Variants in LCOR observed in about 807,000 individuals in gnomAD.
LCOR encodes the protein ligand dependent nuclear receptor corepressor, also known as ligand-dependent corepressor.
In LCOR, 14 loss-of-function variants were observed where a neutral mutation model predicts 64.4. That is an observed-to-expected ratio of 0.22 (90% confidence interval 0.14 to 0.34). The LOEUF (loss-of-function observed/expected upper bound fraction) is 0.34, where lower values mean the gene tolerates loss of function less well. LCOR is among the 10% of genes least tolerant of loss of function. The pLI is 1.00. For synonymous variants in LCOR, 643 were observed against 642.5 expected (o/e 1.00, Z -0.01); for missense variants, 1,686 against 1,765.3 (o/e 0.96, Z 0.80).
chr10:96,880,676 G>A (rs144881713), intron 2 of LCOR, among the ~76,000 whole-genome samples: 3 of 152,296 alleles, frequency 2.0e-5, no homozygotes, highest in African/African-American at 7.2e-5. Context: ...GACATTACAG[G>A]CATGAGCCAC....
In LCOR at chr10:96,987,505, T is replaced by G. The variant is rs575442116; in HGVS notation, c.*2371T>G. The G allele has an allele frequency of 3.1e-4, 47 of 152,366 alleles. 1 individual carries two copies. Among genetic ancestry groups the G allele is most frequent in the African/African-American group, 9.9e-4 (41 of 41,594 alleles). 9.4% of individuals were successfully genotyped at this position (152,366 alleles called of 1,614,324 possible). On this transcript the variant is annotated 3_prime_UTR_variant, in exon 8 of 8. Coordinates refer to ENST00000421806, the MANE Select transcript of LCOR (RefSeq NM_001346516.2). ...AAAAGCTCAGTTAAAGATAATAGCCTTCTTTCCCATTCTAGGCTGTGTGTG... is the reference window on the plus strand; with the variant it reads ...AAAAGCTCAGTTAAAGATAATAGCCGTCTTTCCCATTCTAGGCTGTGTGTG...
intron 2 of LCOR, among the ~76,000 whole-genome samples, chr10:96,889,590 T>G (rs1333772550): frequency 6.6e-6 from 1 of 152,218 alleles, no homozygotes; most frequent in African/African-American, 2.4e-5. Flanking sequence ...ACACTAATTC[T>G]GTCAGATCAG....
chr10:96,958,061 T>C, intron 7 of LCOR: 2 of 1,047,350 alleles, frequency 1.9e-6, no homozygotes, highest in Non-Finnish European at 2.3e-6. Context: ...TATGAAGGAA[T>C]GCCTCCTTTG....
chr10:96,965,684 A>G (rs1847942543), intron 7 of LCOR, among the ~76,000 whole-genome samples: 1 of 146,184 alleles, frequency 6.8e-6, no homozygotes, highest in Admixed American at 6.8e-5. Flanking sequence ...AAAAAAAAAA[A>G]GACGGGCTAT....
intron 4 of LCOR, among the ~76,000 whole-genome samples, chr10:96,941,182 C>T (rs1307966028): frequency 4.5e-5 from 6 of 133,106 alleles, no homozygotes; most frequent in East Asian, 2.2e-4. Flanking sequence ...GCTGGCCAGG[C>T]GGGGGGCTGA....
intron 2 of LCOR, among the ~76,000 whole-genome samples, chr10:96,854,101 A>C (rs935582364): frequency 6.6e-6 from 1 of 152,184 alleles, no homozygotes; most frequent in Non-Finnish European, 1.5e-5. Context: ...AGAAATACGC[A>C]AAGAATTTGG....
rs1847977231 is a variant in LCOR, at chr10:96,969,290, A to G, written c.333-11503A>G. 3.3e-5 allele frequency among the ~76,000 whole-genome samples: 5 copies of G among 152,360 alleles called. No homozygotes were observed. The South Asian group carries it at 1.0e-3, about 32-fold the overall frequency. On this transcript the variant is annotated intron_variant, in intron 7 of 7. Coordinates refer to ENST00000421806, the MANE Select transcript of LCOR (RefSeq NM_001346516.2). Reference sequence around the variant, plus strand: ...AGCAAAGGGCAGCCAATCTTGTTCAAGAACCTAAAAATACTGGAATTGTGA... The same window carrying G: ...AGCAAAGGGCAGCCAATCTTGTTCAGGAACCTAAAAATACTGGAATTGTGA...
rs768336729 is a variant in LCOR at position 96,983,639 on chromosome 10, A to G, written c.3179A>G (p.Glu1060Gly). 5 of 1,614,176 alleles carry G rather than the reference A, an allele frequency of 3.1e-6. No homozygotes were observed. The South Asian group carries it at 5.5e-5, about 18-fold the overall frequency. The change falls in exon 8 of 8, where the codon GAA becomes GGA. Residue 1060 changes from glutamate (E) to glycine (G), a missense_variant. By Grantham distance (98) the Glu-to-Gly change is moderately conservative (BLOSUM62 -2). Coordinates refer to ENST00000421806, the MANE Select transcript of LCOR (RefSeq NM_001346516.2). This position sits in a 1 kb window ranked among gnomAD's most constrained non-coding sequence, Gnocchi z 4.5. ...GSLDASKVTS[E>G]KEAAQVNPIM... The stretch of plus-strand genomic sequence containing the variant: ...TTGGATGCTTCAAAAGTGACTTCAG[A>G]AAAGGAAGCTGCACAAGTAAACCCC...
At chr10:96,866,996 TA>T (rs1186722877) in intron 2 of LCOR, among the ~76,000 whole-genome samples, 1 of 152,142 alleles carries the variant, frequency 6.6e-6, no homozygotes, top group Non-Finnish European at 1.5e-5. Context: ...CTATTACTAT[TA>T]TTTTTTTTGA....
intron 2 of LCOR, among the ~76,000 whole-genome samples, chr10:96,901,537 A>G (rs1437414890): frequency 1.3e-5 from 2 of 152,308 alleles, no homozygotes; most frequent in South Asian, 2.1e-4. Context: ...CATGGAGCCC[A>G]TTAGATAAGA....
At chr10:96,961,448 C>A (rs1257263012) in intron 7 of LCOR, 3 of 151,930 alleles carry the variant, frequency 2.0e-5, no homozygotes, top group Admixed American at 6.6e-5. Context: ...TCAAGATGAT[C>A]AACACTGGAA....
chr10:96,843,279 C>T (rs189226643), intron 2 of LCOR, among the ~76,000 whole-genome samples: 8 of 152,222 alleles, frequency 5.3e-5, no homozygotes, highest in Non-Finnish European at 1.2e-4. Context: ...CATGTTTCAT[C>T]ATGCCTGGCT....
At position 96,981,795 on chromosome 10, in the gene LCOR, A is replaced by G. The variant is rs895140051; in HGVS notation, c.1335A>G (p.Ile445Met). 7 of 1,614,118 alleles carry G rather than the reference A, an allele frequency of 4.3e-6. No homozygotes were observed. The highest frequency in any genetic ancestry group is 1.1e-5 in the South Asian group (1 of 91,092). The change falls in exon 8 of 8, where the codon ATA becomes ATG. Residue 445 changes from isoleucine (I) to methionine (M), a missense_variant. Physicochemically the swap from Ile to Met is conservative, Grantham distance 10. Around this residue, in one of 3 missense-constraint regions of LCOR, gnomAD observed 1,293 missense variants for 1,410.4 expected, o/e 0.92. Transcript: ENST00000421806. ...ATGGACACTCAAGAACCAAGATGAT[A>G]TCAACCTCCATCAAGACAGCTCGGA... ...AANGHSRTKM[I>M]STSIKTARKS...
chr10:96,916,328 G>A (rs914667414), intron 4 of LCOR, among the ~76,000 whole-genome samples: 31 of 151,926 alleles, frequency 2.0e-4, no homozygotes, highest in Non-Finnish European at 8.8e-5. Flanking sequence ...ACCACACCCG[G>A]CCCCCTTGAA....
At chr10:96,852,680 G>A (rs894123009) in intron 2 of LCOR, among the ~76,000 whole-genome samples, 1 of 152,206 alleles carries the variant, frequency 6.6e-6, no homozygotes, top group Non-Finnish European at 1.5e-5. Flanking sequence ...TGGAGATAGA[G>A]CTCCATGAAG....
intron 7 of LCOR, among the ~76,000 whole-genome samples, chr10:96,966,639 ATATAG>A (rs1454419143): frequency 6.6e-6 from 1 of 152,212 alleles, no homozygotes; most frequent in Non-Finnish European, 1.5e-5. Flanking sequence ...GTGTTAAGTA[ATATAG>A]TAGATAAGAG....
chr10:96,920,731 T>TATATATGTGC (rs2134473057), intron 4 of LCOR, among the ~76,000 whole-genome samples: 1 of 66,682 alleles, frequency 1.5e-5, no homozygotes, highest in East Asian at 6.7e-4. Context: ...TATATGTTCA[T>TATATATGTGC]ATATATGTGT....
intron 7 of LCOR, chr10:96,958,488 A>G (rs1847820261): frequency 2.3e-6 from 2 of 866,328 alleles, no homozygotes; most frequent in Non-Finnish European, 3.7e-6. Context: ...GTATTGTGTC[A>G]TTTCAGATTG....
chr10:96,983,645 A>G lies in LCOR; in HGVS notation c.3185A>G (p.Glu1062Gly). The change falls in exon 8 of 8, where the codon GAA becomes GGA. Residue 1062 changes from glutamate to glycine, a missense_variant. Around this residue, in one of 3 missense-constraint regions of LCOR, gnomAD observed 1,293 missense variants for 1,410.4 expected, o/e 0.92. Transcript: ENST00000421806. This position sits in a 1 kb window ranked among gnomAD's most constrained non-coding sequence, Gnocchi z 4.5. The part of the protein sequence containing the change: ...LDASKVTSEK[E>G]AAQVNPIMPK... ...GCTTCAAAAGTGACTTCAGAAAAGG[A>G]AGCTGCACAAGTAAACCCCATAATG... is the stretch of plus-strand genomic sequence containing the variant. The G allele has an allele frequency of 6.2e-7, 1 of 1,614,172 alleles. No homozygotes were observed. Among genetic ancestry groups the G allele is most frequent in the South Asian group, 1.1e-5 (1 of 91,088 alleles).
Sources: gnomAD v4.1 joint callset for allele counts (sites outside exome capture counted in the v4.1 genomes callset) on GRCh38, gnomAD v4.1.1 for gene constraint, gnomAD v4.1.1 regional missense constraint, Gnocchi (gnomAD v3.1) non-coding constraint, MANE v1.5 for transcripts, NCBI Gene and HGNC (gene_info 2026-07-23, HGNC 2026-07-21) for gene names.